FGGY: variants seen among roughly 807,000 people sequenced by gnomAD.
FGGY encodes the protein FGGY carbohydrate kinase domain containing.
FGGY carries 72 observed loss-of-function variants against 71.3 expected under a neutral mutation model. The ratio of observed to expected loss-of-function variants is 1.01; its 90% CI spans 0.84 to 1.23. The LOEUF is 1.23. Among genes scored for constraint, FGGY ranks in the 50% most tolerant of loss-of-function variants. The pLI is 0.00. For missense variants in FGGY, 668 were observed against 682.3 expected (o/e 0.98, Z 0.23); for synonymous variants, 251 against 250.3 (o/e 1.00, Z -0.02).
intron 2 of FGGY, among the ~76,000 whole-genome samples, chr1:59,337,428 TG>T (rs1475146840): frequency 6.6e-6 from 1 of 152,114 alleles, no homozygotes; most frequent in Non-Finnish European, 1.5e-5. Flanking sequence ...ACTGATTAGA[TG>T]GTGCCCACTC....
chr1:59,456,446 CT>C (rs554474364), intron 5 of FGGY, among the ~76,000 whole-genome samples: 4,534 of 133,056 alleles, frequency 0.034, 105 homozygotes, highest in African/African-American at 0.11. Flanking sequence ...AGGACTGAAA[CT>C]TTTTTTTTTT....
intron 8 of FGGY, among the ~76,000 whole-genome samples, chr1:59,564,311 CAGTT>C (rs1415197658): frequency 1.3e-5 from 2 of 152,208 alleles, no homozygotes; most frequent in African/African-American, 4.8e-5. Context: ...GTTCAGAAAT[CAGTT>C]AGAGAGCCTC....
intron 3 of FGGY, among the ~76,000 whole-genome samples, chr1:59,342,545 G>A (rs2050927283): frequency 6.6e-6 from 1 of 152,158 alleles, no homozygotes. Context: ...TCCAGCTGCA[G>A]GTGCCCTCAT....
chr1:59,345,837 C>G (rs2051760275), intron 3 of FGGY, among the ~76,000 whole-genome samples: 1 of 152,014 alleles, frequency 6.6e-6, no homozygotes, highest in African/African-American at 2.4e-5. Flanking sequence ...AGTATTTATC[C>G]ATATTTAAAG....
At position 59,651,043 on chromosome 1, in the gene FGGY, C is replaced by T. The variant is rs549455992; in HGVS notation, c.1222-9176C>T. Among the ~76,000 whole-genome samples, 257 of 151,402 alleles carry T rather than the reference C, an allele frequency of 1.7e-3. 2 individuals are homozygous for T. Among genetic ancestry groups the T allele is most frequent in the African/African-American group, 6.0e-3 (245 of 40,738 alleles). On this transcript the variant is annotated intron_variant, in intron 11 of 15. Transcript: ENST00000303721. ...CATTCAGGAGCAGGTTGTTCAGTTT[C>T]CATGTAGCTGAGCAGCTTTGAGTGA...
chr1:59,323,259 A>G (rs1311247324), intron 2 of FGGY, among the ~76,000 whole-genome samples: 1 of 152,254 alleles, frequency 6.6e-6, no homozygotes, highest in East Asian at 1.9e-4. Flanking sequence ...ACTTTAAAAA[A>G]GGTCTACTCT....
At chr1:59,536,449 AAAAG>A (rs1475079855) in intron 7 of FGGY, among the ~76,000 whole-genome samples, 2 of 152,228 alleles carry the variant, frequency 1.3e-5, no homozygotes, top group Non-Finnish European at 2.9e-5. Flanking sequence ...AATCAATAGA[AAAAG>A]AAGGTATCCT....
Position 59,455,130 on chromosome 1 carries a change from G to A in FGGY, c.555-1831G>A, listed in dbSNP as rs77588514. Reference sequence around the variant, plus strand: ...GTATTTGTGATACAGAGAAGAGTAAGGCTGATTCTGGGCTGACGGAGTTGC... The same window carrying A: ...GTATTTGTGATACAGAGAAGAGTAAAGCTGATTCTGGGCTGACGGAGTTGC... On this transcript the variant is annotated intron_variant, in intron 5 of 15. Coordinates refer to ENST00000303721, the MANE Select transcript of FGGY (RefSeq NM_018291.5). Among the ~76,000 whole-genome samples, 1,271 of 152,322 alleles carry A rather than the reference G, an allele frequency of 8.3e-3. 15 individuals are homozygous for A. Among genetic ancestry groups the A allele is most frequent in the African/African-American group, 0.029 (1,193 of 41,566 alleles).
chr1:59,665,044 A>G (rs1156852284), intron 12 of FGGY, among the ~76,000 whole-genome samples: 1 of 152,214 alleles, frequency 6.6e-6, no homozygotes, highest in Admixed American at 6.5e-5. Context: ...TCATGCTCTT[A>G]GCTACTACAA....
intron 5 of FGGY, among the ~76,000 whole-genome samples, chr1:59,379,992 G>C (rs898799836): frequency 1.3e-4 from 19 of 151,760 alleles, no homozygotes. Context: ...TCCCCTTCCT[G>C]TGTCCATGTG....
rs931225242 is a variant in FGGY, at chr1:59,530,780, T to C, written c.799+18341T>C. On this transcript the variant is annotated intron_variant, in intron 7 of 15. Transcript: ENST00000303721. ...ACCGAGTATACTATAGTGTAGAGTA[T>C]GCTGAAATAGAAGTGTGAGAGATAT... 7.2e-5 allele frequency among the ~76,000 whole-genome samples: 11 copies of C among 152,160 alleles called. No individual in the cohort carries two copies. The East Asian group carries it at 1.2e-3, about 16-fold the overall frequency.
At chr1:59,581,133 T>C (rs1199445468) in intron 8 of FGGY, among the ~76,000 whole-genome samples, 2 of 137,626 alleles carry the variant, frequency 1.5e-5, no homozygotes, top group Non-Finnish European at 3.0e-5. Context: ...ACCTCCATAG[T>C]GAGATCTGCA....
intron 10 of FGGY, among the ~76,000 whole-genome samples, chr1:59,629,458 C>T (rs2096888517): frequency 6.6e-6 from 1 of 152,220 alleles, no homozygotes; most frequent in Non-Finnish European, 1.5e-5. Flanking sequence ...AGTTATAATG[C>T]CATTGCAATT....
At chr1:59,469,596 T>C (rs192544865) in intron 6 of FGGY, among the ~76,000 whole-genome samples, 20 of 149,552 alleles carry the variant, frequency 1.3e-4, no homozygotes, top group South Asian at 1.2e-3. Context: ...TTATTCATAT[T>C]TTTTTTTAAC....
chr1:59,481,399 G>A (rs1338150171), intron 6 of FGGY, among the ~76,000 whole-genome samples: 4 of 152,118 alleles, frequency 2.6e-5, no homozygotes, highest in Non-Finnish European at 5.9e-5. Context: ...TCCAACCTGG[G>A]TCTCATCTTC....
chr1:59,319,092 G>A (rs2045948256), intron 1 of FGGY, among the ~76,000 whole-genome samples: 2 of 152,188 alleles, frequency 1.3e-5, no homozygotes, highest in Admixed American at 6.5e-5. Context: ...AGTCTCAGAT[G>A]TCACTGATTG....
intron 5 of FGGY, among the ~76,000 whole-genome samples, chr1:59,441,873 G>A (rs1036080222): frequency 2.0e-5 from 3 of 152,124 alleles, no homozygotes; most frequent in South Asian, 4.1e-4. Context: ...CTGGGGGCAG[G>A]ATTATGCTTG....
chr1:59,437,741 A>G (rs1233804521), intron 5 of FGGY, among the ~76,000 whole-genome samples: 1 of 152,198 alleles, frequency 6.6e-6, no homozygotes, highest in Non-Finnish European at 1.5e-5. Context: ...TTTTACATAA[A>G]TGTCACTAAA....
At chr1:59,709,502 T>A (rs1170886146) in intron 14 of FGGY, among the ~76,000 whole-genome samples, 3 of 112,352 alleles carry the variant, frequency 2.7e-5, no homozygotes, top group Non-Finnish European at 5.9e-5. Context: ...ACACACACAC[T>A]GGAAGAGTGC....
Sources: allele counts gnomAD v4.1 joint callset (sites outside exome capture counted in the v4.1 genomes callset), GRCh38; gene constraint gnomAD v4.1.1; transcripts MANE v1.5; gene names NCBI Gene and HGNC (gene_info 2026-07-23, HGNC 2026-07-21).